Variants in PRKG2 observed in about 807,000 individuals in gnomAD.
PRKG2 encodes the protein protein kinase cGMP-dependent 2.
A neutral mutation model predicts 97.2 loss-of-function variants in PRKG2; 33 were observed. The ratio of observed to expected loss-of-function variants is 0.34; its 90% CI spans 0.26 to 0.45. The LOEUF (loss-of-function observed/expected upper bound fraction) is 0.45, where lower values mean the gene tolerates loss of function less well. PRKG2 is among the 20% of genes least tolerant of loss of function. The probability of loss-of-function intolerance (pLI) is 1.00; values close to 1 mark genes in which losing one functional copy is unlikely to be tolerated. For synonymous variants in PRKG2, 330 were observed against 321.8 expected, an observed-to-expected ratio of 1.03 and a Z score of -0.27; for missense variants, 638 against 900.0, an observed-to-expected ratio of 0.71 and a Z score of 3.73.
intron 1 of PRKG2, among the ~76,000 whole-genome samples, chr4:81,210,031 T>TA (rs1052410679): frequency 3.9e-5 from 6 of 151,980 alleles, no homozygotes; most frequent in Non-Finnish European, 5.9e-5. Flanking sequence ...CATTAATTTT[T>TA]AAAAAAATAG....
At chr4:81,111,600 G>A (rs185941165) in intron 14 of PRKG2, among the ~76,000 whole-genome samples, 1 of 152,178 alleles carries the variant, frequency 6.6e-6, no homozygotes, top group African/African-American at 2.4e-5. Context: ...CTGAGGATTA[G>A]GAACTCTCCC....
Position 81,174,832 on chromosome 4 carries a change from T to C in PRKG2, c.589A>G (p.Lys197Glu). ...ATATGGTTTCCTGGTTCTCCTTGCT[T>C]AATAATGTAACTCCCTTGCTGATAG... ...RNYQQGSYII[K>E]QGEPGNHIFV... The change falls in exon 3 of 19, where the codon AAG becomes GAG. Residue 197 changes from lysine (K) to glutamate (E), a missense_variant. By Grantham distance (56) the Lys-to-Glu change is moderately conservative (BLOSUM62 1). This residue lies in a region of PRKG2 where 332 missense variants were observed against 421.7 expected (regional missense o/e 0.79). Transcript: ENST00000264399. 1 of 1,613,072 alleles carries C rather than the reference T, an allele frequency of 6.2e-7. No homozygotes were observed. Among genetic ancestry groups the C allele is most frequent in the South Asian group, 1.1e-5 (1 of 90,888 alleles).
intron 2 of PRKG2, among the ~76,000 whole-genome samples, chr4:81,181,203 G>T (rs1450225466): frequency 6.6e-6 from 1 of 151,954 alleles, no homozygotes; most frequent in Non-Finnish European, 1.5e-5. Context: ...TTTAAATATA[G>T]TATTAATAGA....
Position 81,178,526 on chromosome 4 carries a change from G to T in PRKG2, c.462-3567C>A, listed in dbSNP as rs1419860925. 3.9e-5 allele frequency among the ~76,000 whole-genome samples: 6 copies of T among 152,098 alleles called. No homozygotes were observed. The East Asian group carries it at 7.8e-4, about 20-fold the overall frequency. On this transcript the variant is annotated intron_variant, in intron 2 of 18. Transcript: ENST00000264399. The stretch of plus-strand genomic sequence containing the variant: ...TCAGTAGAAAACGTGAATATTTAAA[G>T]AAATCAAATGGAAATTCTAAAACTG...
chr4:81,182,005 C>T (rs1322931565), intron 2 of PRKG2, among the ~76,000 whole-genome samples: 2 of 151,574 alleles, frequency 1.3e-5, no homozygotes, highest in Non-Finnish European at 3.0e-5. Context: ...AAAGTCTAAA[C>T]CCAGATGACC....
intron 14 of PRKG2, among the ~76,000 whole-genome samples, chr4:81,130,211 G>A (rs1746031621): frequency 1.3e-5 from 2 of 152,146 alleles, no homozygotes; most frequent in African/African-American, 4.8e-5. Context: ...TGATGTTGAT[G>A]CTATTCCTTT....
intron 12 of PRKG2, among the ~76,000 whole-genome samples, chr4:81,138,114 T>C (rs1746893502): frequency 6.6e-6 from 1 of 151,976 alleles, no homozygotes; most frequent in Non-Finnish European, 1.5e-5. Flanking sequence ...AAAGAGAGAG[T>C]ATGATCTTGA....
At chr4:81,111,441 T>TATACATGATTAATATTATATCATGTA (rs1256500968) in intron 14 of PRKG2, among the ~76,000 whole-genome samples, 30 of 151,688 alleles carry the variant, frequency 2.0e-4, no homozygotes, top group South Asian at 4.2e-4. Context: ...TATATCATGT[T>TATACATGATTAATATTATATCATGTA]ATACATGATT....
chr4:81,104,436 A>G lies in PRKG2; in HGVS notation c.2064-4T>C. On this transcript the variant is annotated splice_polypyrimidine_tract_variant and splice_region_variant and intron_variant, in intron 16 of 18. Transcript: ENST00000264399. The stretch of plus-strand genomic sequence containing the variant: ...CAGCCTTTCTGTTGGATTTTGCCTA[A>G]AACAATAATTTGTAAAAGGCAATTT... The G allele has an allele frequency of 7.1e-7, 1 of 1,414,084 alleles. No homozygotes were observed. The highest frequency in any genetic ancestry group is 9.3e-7 in the Non-Finnish European group (1 of 1,077,504). The allele number at this position is 1,414,084 out of a possible 1,614,324, so 87.6% of individuals were successfully genotyped here. A position where few individuals can be genotyped will look rare whatever the true frequency, so the allele number is the denominator to read the frequency against.
chr4:81,108,626 G>A (rs1743598449), intron 15 of PRKG2, among the ~76,000 whole-genome samples: 1 of 151,990 alleles, frequency 6.6e-6, no homozygotes, highest in South Asian at 2.1e-4. Flanking sequence ...CTAGTGTGAT[G>A]GCTCACACTT....
intron 17 of PRKG2, among the ~76,000 whole-genome samples, chr4:81,097,743 G>A (rs1742275153): frequency 5.9e-5 from 9 of 152,112 alleles, no homozygotes; most frequent in Admixed American, 2.6e-4. Flanking sequence ...AAGTTATGGA[G>A]ATGGCTTTTT....
intron 1 of PRKG2, among the ~76,000 whole-genome samples, chr4:81,212,523 AATGTCATTG>A (rs1348946791): frequency 6.6e-6 from 1 of 152,196 alleles, no homozygotes; most frequent in South Asian, 2.1e-4. Flanking sequence ...GGTAAAAGGT[AATGTCATTG>A]ACCAAAATGA....
chr4:81,147,638 C>T (rs2110050289), intron 9 of PRKG2, among the ~76,000 whole-genome samples: 1 of 152,178 alleles, frequency 6.6e-6, no homozygotes, highest in Non-Finnish European at 1.5e-5. Flanking sequence ...TGGGAGCCAA[C>T]TGGCATGGTG....
intron 14 of PRKG2, among the ~76,000 whole-genome samples, chr4:81,117,185 G>A: frequency 6.6e-6 from 1 of 151,596 alleles, no homozygotes; most frequent in East Asian, 1.9e-4. Flanking sequence ...TAGAGACGGG[G>A]TTTCACCATG....
intron 17 of PRKG2, among the ~76,000 whole-genome samples, chr4:81,092,753 C>A (rs1334841110): frequency 1.3e-5 from 2 of 152,154 alleles, no homozygotes; most frequent in African/African-American, 4.8e-5. Flanking sequence ...TTAAAATGTT[C>A]TCCACCAACC....
chr4:81,195,982 G>A (rs140467428), intron 2 of PRKG2, among the ~76,000 whole-genome samples: 20 of 152,264 alleles, frequency 1.3e-4, no homozygotes, highest in African/African-American at 3.1e-4. Context: ...CAATGATGAC[G>A]GAAGGCCATT....
chr4:81,129,129 G>T (rs1018676123), intron 14 of PRKG2, among the ~76,000 whole-genome samples: 3 of 152,158 alleles, frequency 2.0e-5, no homozygotes, highest in African/African-American at 4.8e-5. Flanking sequence ...GCAGTTTTGA[G>T]TGAGTTTCTT....
chr4:81,152,276 T>C (rs1748482163), intron 7 of PRKG2, among the ~76,000 whole-genome samples: 1 of 152,282 alleles, frequency 6.6e-6, no homozygotes, highest in South Asian at 2.1e-4. Flanking sequence ...AACTACCCAC[T>C]GTAAGAGGAA....
upstream of PRKG2, among the ~76,000 whole-genome samples, chr4:81,217,057 G>GTA (rs1472055406): frequency 1.1e-4 from 15 of 133,908 alleles, 1 homozygote; most frequent in Admixed American, 2.3e-4. Flanking sequence ...ATATATATGT[G>GTA]TATATATATA....
Sources: gnomAD v4.1 joint callset for allele counts (sites outside exome capture counted in the v4.1 genomes callset) on GRCh38, gnomAD v4.1.1 for gene constraint, gnomAD v4.1.1 regional missense constraint, MANE v1.5 for transcripts, NCBI Gene and HGNC (gene_info 2026-07-23, HGNC 2026-07-21) for gene names.